ZCCHC7: variants seen among roughly 807,000 people sequenced by gnomAD.
ZCCHC7 encodes zinc finger CCHC domain-containing protein 7.
Under a neutral mutation model 52.0 loss-of-function variants are expected in ZCCHC7, and 35 were observed. That is an observed-to-expected ratio of 0.67 (90% CI 0.51 to 0.89). ZCCHC7 has a LOEUF of 0.89. Ranked by LOEUF, ZCCHC7 falls within the 40% of genes least tolerant of loss-of-function variation. ZCCHC7 has a pLI of 0.00. For missense variants in ZCCHC7, 574 were observed against 649.1 expected, an observed-to-expected ratio of 0.88 and a Z score of 1.26; for synonymous variants, 217 against 221.5, an observed-to-expected ratio of 0.98 and a Z score of 0.18.
chr9:37,284,412 A>C (rs1022918207), intron 2 of ZCCHC7: 1 of 152,096 alleles, frequency 6.6e-6, no homozygotes, highest in African/African-American at 2.4e-5. Context: ...CCTTTTTTGC[A>C]TTTTATGTAG....
chr9:37,137,194 T>C (rs1449151183), intron 2 of ZCCHC7, among the ~76,000 whole-genome samples: 1 of 152,228 alleles, frequency 6.6e-6, no homozygotes, highest in Non-Finnish European at 1.5e-5. Flanking sequence ...CAGAGTTAAA[T>C]GCATTTCTAC....
chr9:37,144,373 C>T (rs917864505), intron 2 of ZCCHC7, among the ~76,000 whole-genome samples: 1 of 151,886 alleles, frequency 6.6e-6, no homozygotes, highest in African/African-American at 2.4e-5. Flanking sequence ...GAACAAGTAA[C>T]TGCTTTCAGG....
chr9:37,158,098 A>G (rs553658570), intron 2 of ZCCHC7, among the ~76,000 whole-genome samples: 1 of 152,358 alleles, frequency 6.6e-6, no homozygotes, highest in East Asian at 1.9e-4. Flanking sequence ...ACTCTTGATT[A>G]TTTAATATCC....
intron 2 of ZCCHC7, among the ~76,000 whole-genome samples, chr9:37,220,496 C>G (rs1279183003): frequency 6.6e-6 from 1 of 152,050 alleles, no homozygotes; most frequent in South Asian, 2.1e-4. Context: ...GAGCTGAGAT[C>G]GTGCCACTGC....
intron 2 of ZCCHC7, among the ~76,000 whole-genome samples, chr9:37,292,480 A>C (rs1156616007): frequency 6.6e-6 from 1 of 152,216 alleles, no homozygotes; most frequent in Non-Finnish European, 1.5e-5. Flanking sequence ...TACTTCATTC[A>C]CTACATAGTC....
At position 37,143,105 on chromosome 9, in the gene ZCCHC7, AT is replaced by A. The variant is rs966755586; in HGVS notation, c.610+16173del. 5.1e-3 allele frequency among the ~76,000 whole-genome samples: 763 copies of A among 149,722 alleles called. 6 individuals carry two copies. The highest frequency in any genetic ancestry group is 5.0e-3 in the Non-Finnish European group (338 of 67,030). On this transcript the variant is annotated intron_variant, in intron 2 of 8. Coordinates refer to ENST00000336755, the MANE Select transcript of ZCCHC7 (RefSeq NM_032226.3). ...AAACTTCACAGACAATTGTCAGACA[AT>A]TTTTTTTTTAAAGGTCATGATTGCT...
At chr9:37,206,086 AT>A (rs1333266099) in intron 2 of ZCCHC7, among the ~76,000 whole-genome samples, 5 of 152,022 alleles carry the variant, frequency 3.3e-5, no homozygotes, top group Non-Finnish European at 7.4e-5. Context: ...CTTTTCTGCC[AT>A]TTTTTAGTTC....
At chr9:37,299,197 G>T (rs942730446) in intron 2 of ZCCHC7, among the ~76,000 whole-genome samples, 1 of 152,124 alleles carries the variant, frequency 6.6e-6, no homozygotes, top group Non-Finnish European at 1.5e-5. Context: ...ACATTCTATG[G>T]CATTGGGTGG....
chr9:37,248,221 T>A (rs1029049606), intron 2 of ZCCHC7, among the ~76,000 whole-genome samples: 2 of 152,186 alleles, frequency 1.3e-5, no homozygotes, highest in African/African-American at 2.4e-5. Context: ...GAGGAGGTAG[T>A]CAGAACAGGT....
At chr9:37,120,727 G>A (rs1842269916) in intron 1 of ZCCHC7, 104 bp downstream of exon 1, 2 of 360,476 alleles carry the variant, frequency 5.5e-6, no homozygotes. Context: ...CCCCTCGCCG[G>A]CCTCGACGTC....
intron 5 of ZCCHC7, among the ~76,000 whole-genome samples, chr9:37,320,172 G>T (rs1174704459): frequency 6.6e-6 from 1 of 152,154 alleles, no homozygotes; most frequent in Non-Finnish European, 1.5e-5. Context: ...CCGTCTCCTG[G>T]GTTCAAGCAA....
intron 2 of ZCCHC7, among the ~76,000 whole-genome samples, chr9:37,180,846 T>G (rs760593763): frequency 5.9e-5 from 9 of 152,178 alleles, no homozygotes; most frequent in Admixed American, 2.6e-4. Flanking sequence ...TACTTTATTC[T>G]AAGTGAGACT....
At chr9:37,314,570 T>C (rs937050213) in intron 5 of ZCCHC7, among the ~76,000 whole-genome samples, 5 of 152,074 alleles carry the variant, frequency 3.3e-5, no homozygotes, top group Admixed American at 6.5e-5. Context: ...TTAACAACTC[T>C]AAGGCTAAAA....
chr9:37,180,272 T>G (rs1216868719), intron 2 of ZCCHC7, among the ~76,000 whole-genome samples: 3 of 152,148 alleles, frequency 2.0e-5, no homozygotes, highest in African/African-American at 7.2e-5. Flanking sequence ...AAACTTCCTT[T>G]TAGGAGCTTA....
intron 2 of ZCCHC7, among the ~76,000 whole-genome samples, chr9:37,161,769 C>G (rs1428548944): frequency 6.6e-6 from 1 of 152,142 alleles, no homozygotes; most frequent in East Asian, 1.9e-4. Flanking sequence ...CTACATAACT[C>G]CTTTAGTTGG....
chr9:37,220,330 C>T (rs1824743126), intron 2 of ZCCHC7, among the ~76,000 whole-genome samples: 1 of 152,102 alleles, frequency 6.6e-6, no homozygotes, highest in Admixed American at 6.6e-5. Flanking sequence ...TACTTGAGGT[C>T]AGGAGTTCTA....
intron 2 of ZCCHC7, among the ~76,000 whole-genome samples, chr9:37,169,835 G>T (rs1191341735): frequency 6.6e-6 from 1 of 152,070 alleles, no homozygotes; most frequent in African/African-American, 2.4e-5. Context: ...TGAGGCCAAG[G>T]CAAGTGGTTT....
chr9:37,211,884 C>T (rs893627138), intron 2 of ZCCHC7, among the ~76,000 whole-genome samples: 1 of 151,456 alleles, frequency 6.6e-6, no homozygotes, highest in Admixed American at 6.6e-5. Context: ...AAAAATTAGC[C>T]GAGTGTAGTG....
At chr9:37,309,447 T>C (rs973112529) in intron 5 of ZCCHC7, among the ~76,000 whole-genome samples, 5 of 152,212 alleles carry the variant, frequency 3.3e-5, no homozygotes, top group African/African-American at 1.2e-4. Context: ...CTTTCTCACA[T>C]GCCATGGCTG....
Sources: allele counts gnomAD v4.1 joint callset (sites outside exome capture counted in the v4.1 genomes callset), GRCh38; gene constraint gnomAD v4.1.1; transcripts MANE v1.5; gene names NCBI Gene and HGNC (gene_info 2026-07-23, HGNC 2026-07-21).